Variants in MYT1 observed in about 807,000 individuals in gnomAD.
MYT1 encodes myelin transcription factor 1.
MYT1 carries 23 observed loss-of-function variants against 123.0 expected under a neutral mutation model. The ratio of observed to expected loss-of-function variants is 0.19; its 90% CI spans 0.13 to 0.26. MYT1 has a LOEUF of 0.26. Among genes scored for constraint, MYT1 ranks in the 10% least tolerant of loss-of-function variants. The pLI, the probability that MYT1 is intolerant of heterozygous loss-of-function variation, is 1.00. For missense variants in MYT1, 1,125 were observed against 1,472.5 expected (o/e 0.76, Z 3.86); for synonymous variants, 518 against 575.3 (o/e 0.90, Z 1.43).
chr20:64,195,559 C>T (rs1488741929), intron 2 of MYT1, among the ~76,000 whole-genome samples: 1 of 152,096 alleles, frequency 6.6e-6, no homozygotes, highest in Middle Eastern at 3.4e-3. Context: ...CCACACCCAA[C>T]TAATTTTTGT....
At chr20:64,199,380 G>A (rs1278502696) in intron 3 of MYT1, among the ~76,000 whole-genome samples, 2 of 152,166 alleles carry the variant, frequency 1.3e-5, no homozygotes, top group East Asian at 1.9e-4. Context: ...TCCCTGATAC[G>A]GGCGGGGGCT....
Position 64,240,557 on chromosome 20 carries a change from G to C in MYT1, c.*109G>C. The C allele has an allele frequency of 7.0e-7, 1 of 1,424,678 alleles. No individual in the cohort carries two copies. The allele number at this position is 1,424,678 out of a possible 1,614,324, so 88.3% of individuals were successfully genotyped here. ...ACAGTGACTTCCCGTTTGGGGCCCG[G>C]TGTGGCCGCGGGCGGGTTTATCCAA... On this transcript the variant is annotated 3_prime_UTR_variant, in exon 23 of 23. Transcript: ENST00000328439.
intron 7 of MYT1, among the ~76,000 whole-genome samples, 161 bp from the exon 8 acceptor site, chr20:64,211,045 G>A (rs1568712398): frequency 6.6e-6 from 1 of 152,308 alleles, no homozygotes; most frequent in East Asian, 1.9e-4. Flanking sequence ...GTTTCTTCAG[G>A]GTCTCCTGAC....
intron 17 of MYT1, 125 bp downstream of exon 17, chr20:64,227,602 A>C (rs34184798): frequency 0.054 from 50,423 of 936,918 alleles, 1,917 homozygotes; most frequent in African/African-American, 0.15. Context: ...TTTAATCTGA[A>C]TTGTTGCCAT....
rs144703427 is a variant in MYT1, at chr20:64,224,380, C to T, written c.2528+1021C>T. Among the ~76,000 whole-genome samples, 607 of 152,300 alleles carry T rather than the reference C, an allele frequency of 4.0e-3. 3 individuals are homozygous for T. Among genetic ancestry groups the T allele is most frequent in the Non-Finnish European group, 6.3e-3 (431 of 68,020 alleles). ...TGCTGAAGGCTTCTAGGGACCTTGG[C>T]TGGCTCAGACCTGGACAGAAAGCTC... is the stretch of plus-strand genomic sequence containing the variant. On this transcript the variant is annotated intron_variant, in intron 16 of 22. Coordinates refer to ENST00000328439, the MANE Select transcript of MYT1 (RefSeq NM_004535.3).
chr20:64,164,896 C>T (rs919040584), intron 1 of MYT1, among the ~76,000 whole-genome samples, 157 bp downstream of exon 1: 1 of 152,116 alleles, frequency 6.6e-6, no homozygotes, highest in Non-Finnish European at 1.5e-5. Context: ...CTTTTTGAAA[C>T]TGCTCTGGAG....
At position 64,240,303 on chromosome 20, in the gene MYT1, C is replaced by T. The variant is rs762435244; in HGVS notation, c.3238-17C>T. 34 of 1,612,000 alleles carry T rather than the reference C, an allele frequency of 2.1e-5. No individual in the cohort carries two copies. The highest frequency in any genetic ancestry group is 3.3e-5 in the South Asian group (3 of 90,812). ...CACTGCATGGACGGAGCTTGCTAAC[C>T]TGGTTCTGTTCTCTAGGAGCCAATA... On this transcript the variant is annotated splice_polypyrimidine_tract_variant and intron_variant, in intron 22 of 22. Coordinates refer to ENST00000328439, the MANE Select transcript of MYT1 (RefSeq NM_004535.3).
chr20:64,179,394 G>C (rs1263716701), intron 1 of MYT1, among the ~76,000 whole-genome samples: 1 of 152,264 alleles, frequency 6.6e-6, no homozygotes, highest in Non-Finnish European at 1.5e-5. Context: ...CACTGGATTA[G>C]ATGGGGCATC....
At position 64,193,269 on chromosome 20, in the gene MYT1, A is replaced by G. The variant is rs965248323; in HGVS notation, c.-1+3109A>G. Reference sequence around the variant, plus strand: ...AGAGATCAAGAGAGTGGAAAGCAGGATGTGTGCTGAGGTCACCGACTTTCT... The same window carrying G: ...AGAGATCAAGAGAGTGGAAAGCAGGGTGTGTGCTGAGGTCACCGACTTTCT... On this transcript the variant is annotated intron_variant, in intron 2 of 22. Transcript: ENST00000328439. This position sits in a 1 kb window ranked among gnomAD's most constrained non-coding sequence, Gnocchi z 4.0. Among the ~76,000 whole-genome samples, 6 of 152,160 alleles carry G rather than the reference A, an allele frequency of 3.9e-5. No individual in the cohort carries two copies. Among genetic ancestry groups the G allele is most frequent in the Non-Finnish European group, 8.8e-5 (6 of 68,018 alleles).
intron 1 of MYT1, among the ~76,000 whole-genome samples, chr20:64,187,462 C>T (rs895137916): frequency 2.0e-5 from 3 of 151,626 alleles, no homozygotes; most frequent in Non-Finnish European, 4.4e-5. Flanking sequence ...ATCCACGTTT[C>T]CGTGGAGACT....
intron 1 of MYT1, among the ~76,000 whole-genome samples, chr20:64,183,628 C>G (rs1982715594): frequency 6.6e-6 from 1 of 152,186 alleles, no homozygotes; most frequent in South Asian, 2.1e-4. Context: ...TCTTCATGTG[C>G]TTATTGGCCA....
At position 64,167,989 on chromosome 20, in the gene MYT1, G is replaced by A. The variant is rs1321238000; in HGVS notation, c.-99+3250G>A. On this transcript the variant is annotated intron_variant, in intron 1 of 22. Coordinates refer to ENST00000328439, the MANE Select transcript of MYT1 (RefSeq NM_004535.3). This position sits in a 1 kb window ranked among gnomAD's most constrained non-coding sequence, Gnocchi z 6.3. ...GGGCTTCCTGCTCTTTGGGGACTGC[G>A]GGACCCATCCCCGCTCCAGGACAGC... Among the ~76,000 whole-genome samples, 3 of 152,180 alleles carry A rather than the reference G, an allele frequency of 2.0e-5. No homozygotes were observed. The highest frequency in any genetic ancestry group is 7.2e-5 in the African/African-American group (3 of 41,436).
In MYT1 at chr20:64,196,699, A is replaced by C. The variant is rs770307000; in HGVS notation, c.1-2163A>C. On this transcript the variant is annotated intron_variant, in intron 2 of 22. Transcript: ENST00000328439. This position sits in a 1 kb window ranked among gnomAD's most constrained non-coding sequence, Gnocchi z 4.3. ...TGCAAATGGTAAAAAGGTGCTCAGC[A>C]GAAGGAGCGGCAGAGCTGTCAGCTT... Among the ~76,000 whole-genome samples, 8 of 152,156 alleles carry C rather than the reference A, an allele frequency of 5.3e-5. No homozygotes were observed. The highest frequency in any genetic ancestry group is 2.6e-4 in the Admixed American group (4 of 15,284).
At position 64,196,628 on chromosome 20, in the gene MYT1, C is replaced by G. The variant is rs951240097; in HGVS notation, c.1-2234C>G. On this transcript the variant is annotated intron_variant, in intron 2 of 22. Transcript: ENST00000328439. This position sits in a 1 kb window ranked among gnomAD's most constrained non-coding sequence, Gnocchi z 4.3. Reference sequence around the variant, plus strand: ...TCCCTTTAAAAATCAAAGCTACACGCTCCTAAGAGAACTTCTCGCTTATTG... The same window carrying G: ...TCCCTTTAAAAATCAAAGCTACACGGTCCTAAGAGAACTTCTCGCTTATTG... Among the ~76,000 whole-genome samples, 1 of 152,192 alleles carries G rather than the reference C, an allele frequency of 6.6e-6. No individual in the cohort carries two copies. The highest frequency in any genetic ancestry group is 2.4e-5 in the African/African-American group (1 of 41,448).
rs573838381 is a variant in MYT1 at position 64,204,614 on chromosome 20, A to G, written c.87-421A>G. 3.3e-5 allele frequency among the ~76,000 whole-genome samples: 5 copies of G among 152,298 alleles called. No homozygotes were observed. The South Asian group carries it at 1.0e-3, about 32-fold the overall frequency. On this transcript the variant is annotated intron_variant, in intron 4 of 22. Transcript: ENST00000328439. The stretch of plus-strand genomic sequence containing the variant: ...GGGAATGCAGAGACTGTTACCCTCG[A>G]GGGCCATAGGCCTTATGGCATTAGT...
At chr20:64,228,179 C>T (rs576164490) in intron 18 of MYT1, 19 of 578,814 alleles carry the variant, frequency 3.3e-5, no homozygotes, top group East Asian at 2.4e-4. Flanking sequence ...CCCTGGATGT[C>T]GCGTGGAGGG....
chr20:64,193,642 G>A lies in MYT1; in HGVS notation c.-1+3482G>A, dbSNP rs1373183266. ...CTGGAGCCAGGCAGGGTAGGGGACA[G>A]CCAGTTTCTGGCCACCTCCTCACCC... On this transcript the variant is annotated intron_variant, in intron 2 of 22. Transcript: ENST00000328439. The surrounding 1 kb of genome is among the most constrained non-coding windows in gnomAD (Gnocchi z 4.0). 6.6e-6 allele frequency among the ~76,000 whole-genome samples: 1 copy of A among 151,964 alleles called. No homozygotes were observed. Among genetic ancestry groups the A allele is most frequent in the African/African-American group, 2.4e-5 (1 of 41,356 alleles).
chr20:64,236,637 A>G lies in MYT1; in HGVS notation c.2980A>G (p.Thr994Ala). 1 of 1,613,556 alleles carries G rather than the reference A, an allele frequency of 6.2e-7. No homozygotes were observed. Among genetic ancestry groups the G allele is most frequent in the Non-Finnish European group, 8.5e-7 (1 of 1,179,704 alleles). ...TGAGGTCCTCAGTCCAAAGTTCAAG[A>G]CTAGCGACGGTAAGGATGGCTTCCT... is the stretch of plus-strand genomic sequence containing the variant. The part of the protein sequence containing the change: ...GDEVLSPKFK[T>A]SDVLENDEEI... Residue 994 changes from threonine to alanine, a missense_variant, in exon 20 of 23, where the codon ACT becomes GCT. Around this residue, in one of 4 missense-constraint regions of MYT1, gnomAD observed 243 missense variants for 323.1 expected, o/e 0.75. Coordinates refer to ENST00000328439, the MANE Select transcript of MYT1 (RefSeq NM_004535.3).
rs77452040 is a variant in MYT1, at chr20:64,208,267, C to T, written c.1071C>T (p.His357=). ...ATGATGACAAGGACGAGGACACCCACTCCCGGAAGTCAACAGTCACTGACG... is the reference window on the plus strand; with the variant it reads ...ATGATGACAAGGACGAGGACACCCATTCCCGGAAGTCAACAGTCACTGACG... ...RSDDDKDEDT[H]SRKSTVTDES... Residue 357 remains histidine (H), a synonymous_variant, in exon 7 of 23, where the codon CAC becomes CAT. Transcript: ENST00000328439. This position sits in a 1 kb window ranked among gnomAD's most constrained non-coding sequence, Gnocchi z 5.4. The T allele has an allele frequency of 2.5e-6, 4 of 1,614,204 alleles. No homozygotes were observed. The highest frequency in any genetic ancestry group is 3.4e-6 in the Non-Finnish European group (4 of 1,180,050).
Sources: gnomAD v4.1 joint callset for allele counts (sites outside exome capture counted in the v4.1 genomes callset) on GRCh38, gnomAD v4.1.1 for gene constraint, gnomAD v4.1.1 regional missense constraint, Gnocchi (gnomAD v3.1) non-coding constraint, MANE v1.5 for transcripts, NCBI Gene and HGNC (gene_info 2026-07-23, HGNC 2026-07-21) for gene names.